CACNA2D3: variants seen among roughly 807,000 people sequenced by gnomAD.
The protein encoded by CACNA2D3 is calcium voltage-gated channel auxiliary subunit alpha2delta 3, also known as voltage-dependent calcium channel subunit alpha-2/delta-3.
CACNA2D3 carries 60 observed loss-of-function variants against 160.6 expected under a neutral mutation model. The observed-to-expected ratio is 0.37, with a 90% CI of 0.30 to 0.46. CACNA2D3 has a LOEUF of 0.46. CACNA2D3 is among the 20% of genes least tolerant of loss of function. The pLI, the probability that CACNA2D3 is intolerant of heterozygous loss-of-function variation, is 1.00. For synonymous variants in CACNA2D3, 558 were observed against 492.9 expected (o/e 1.13, Z -1.75); for missense variants, 1,205 against 1,365.0 (o/e 0.88, Z 1.85).
intron 13 of CACNA2D3, among the ~76,000 whole-genome samples, chr3:54,810,756 A>G (rs1339740558): frequency 6.6e-6 from 1 of 152,162 alleles, no homozygotes; most frequent in Non-Finnish European, 1.5e-5. Flanking sequence ...GGTCCACTCA[A>G]GTTTGGAACT....
intron 17 of CACNA2D3, among the ~76,000 whole-genome samples, chr3:54,866,947 A>G (rs938520646): frequency 1.3e-5 from 2 of 152,214 alleles, no homozygotes; most frequent in Non-Finnish European, 2.9e-5. Flanking sequence ...ATCTTTCCTT[A>G]TTAAACTCTC....
At chr3:54,874,294 A>G (rs1466237969) in intron 18 of CACNA2D3, among the ~76,000 whole-genome samples, 1 of 152,204 alleles carries the variant, frequency 6.6e-6, no homozygotes, top group Non-Finnish European at 1.5e-5. Context: ...CAGGAATACA[A>G]TAAGTAGGGC....
rs577803187 is a variant in CACNA2D3 at position 54,580,961 on chromosome 3, C to T, written c.889-842C>T. On this transcript the variant is annotated intron_variant, in intron 8 of 37. Transcript: ENST00000474759. Reference sequence around the variant, plus strand: ...AGGACAGCAGGGGAATAATGGCTGGCCAGGATAAGTTTTAGGGGAAGGCTG... The same window carrying T: ...AGGACAGCAGGGGAATAATGGCTGGTCAGGATAAGTTTTAGGGGAAGGCTG... Among the ~76,000 whole-genome samples the T allele has an allele frequency of 7.4e-3, 1,130 of 152,184 alleles. 4 individuals are homozygous for T. Among genetic ancestry groups the T allele is most frequent in the Non-Finnish European group, 0.012 (823 of 68,004 alleles).
chr3:54,354,087 T>A (rs750676650), intron 3 of CACNA2D3, among the ~76,000 whole-genome samples: 3 of 152,152 alleles, frequency 2.0e-5, no homozygotes, highest in East Asian at 3.9e-4. Context: ...ACATTCAAGG[T>A]CCTTTCAACT....
chr3:54,813,491 C>A (rs116900966), intron 13 of CACNA2D3, among the ~76,000 whole-genome samples: 1 of 152,118 alleles, frequency 6.6e-6, no homozygotes, highest in Admixed American at 6.5e-5. Context: ...ATCTATTCCT[C>A]TAGCAGATAT....
At chr3:55,007,429 AAATTAGTTATATGATTCCAGC>A (rs1703121808) in intron 32 of CACNA2D3, among the ~76,000 whole-genome samples, 1 of 152,202 alleles carries the variant, frequency 6.6e-6, no homozygotes, top group African/African-American at 2.4e-5. Context: ...TTACCATTTG[AAATTAGTTATATGATTCCAGC>A]CCCCTCAGCA....
At chr3:54,166,345 T>A (rs373274078) in intron 2 of CACNA2D3, among the ~76,000 whole-genome samples, 4 of 152,222 alleles carry the variant, frequency 2.6e-5, no homozygotes, top group East Asian at 3.8e-4. Flanking sequence ...CCTTGCTGAA[T>A]ACCATTAATC....
chr3:54,437,497 C>T (rs1700078517), intron 4 of CACNA2D3, among the ~76,000 whole-genome samples: 2 of 152,244 alleles, frequency 1.3e-5, no homozygotes, highest in Admixed American at 6.5e-5. Flanking sequence ...TTGCAGCTCC[C>T]ACTTAGGTGG....
At chr3:54,219,712 G>T (rs943534421) in intron 2 of CACNA2D3, among the ~76,000 whole-genome samples, 67 of 152,006 alleles carry the variant, frequency 4.4e-4, no homozygotes, top group African/African-American at 1.5e-3. Flanking sequence ...CAGTGTTAGA[G>T]GACCTTCCGG....
chr3:54,440,970 A>G (rs59598269), intron 4 of CACNA2D3, among the ~76,000 whole-genome samples: 32,916 of 152,060 alleles, frequency 0.22, 4,278 homozygotes, highest in African/African-American at 0.37. Flanking sequence ...TCTTTATAGC[A>G]GCATGATTTA....
intron 8 of CACNA2D3, among the ~76,000 whole-genome samples, chr3:54,574,873 G>A (rs1011753742): frequency 4.6e-5 from 7 of 152,218 alleles, no homozygotes; most frequent in African/African-American, 1.7e-4. Flanking sequence ...ATTAAGAAGA[G>A]CATCATTTGT....
chr3:54,729,923 C>T (rs1241629342), intron 11 of CACNA2D3, among the ~76,000 whole-genome samples: 1 of 147,982 alleles, frequency 6.8e-6, no homozygotes, highest in African/African-American at 2.5e-5. Flanking sequence ...GCCATGAACC[C>T]AGGAGGCGGA....
chr3:54,883,287 G>A (rs960272749), intron 21 of CACNA2D3, among the ~76,000 whole-genome samples: 3 of 152,174 alleles, frequency 2.0e-5, no homozygotes, highest in African/African-American at 7.2e-5. Context: ...CTCCGAAAGT[G>A]CTGGGGTTAC....
At chr3:54,489,010 A>G (rs1219200203) in intron 4 of CACNA2D3, among the ~76,000 whole-genome samples, 2 of 152,224 alleles carry the variant, frequency 1.3e-5, no homozygotes, top group Non-Finnish European at 2.9e-5. Context: ...CAGCATGGAC[A>G]GAGACCACAT....
intron 11 of CACNA2D3, among the ~76,000 whole-genome samples, chr3:54,673,961 C>CAGAAGAA (rs1700199608): frequency 3.3e-5 from 5 of 152,240 alleles, no homozygotes; most frequent in African/African-American, 1.2e-4. Context: ...AAACCGCCGG[C>CAGAAGAA]AGCTGTGTCT....
intron 2 of CACNA2D3, among the ~76,000 whole-genome samples, chr3:54,282,082 A>G (rs1239927820): frequency 6.6e-6 from 1 of 152,260 alleles, no homozygotes; most frequent in Non-Finnish European, 1.5e-5. Context: ...TCTTCATCAC[A>G]TAATTTGTAA....
At chr3:54,308,901 T>C (rs1418129002) in intron 2 of CACNA2D3, among the ~76,000 whole-genome samples, 1 of 152,220 alleles carries the variant, frequency 6.6e-6, no homozygotes, top group Non-Finnish European at 1.5e-5. Flanking sequence ...AAAAGTAGGC[T>C]GCAGAAAGCA....
intron 11 of CACNA2D3, among the ~76,000 whole-genome samples, chr3:54,707,721 G>A (rs1700883641): frequency 6.6e-6 from 1 of 152,102 alleles, no homozygotes; most frequent in Non-Finnish European, 1.5e-5. Context: ...GAATTTCCAT[G>A]GTCTGCTCAT....
intron 29 of CACNA2D3, among the ~76,000 whole-genome samples, chr3:54,970,536 TTCTCC>T (rs1273127797): frequency 6.6e-5 from 3 of 45,760 alleles, no homozygotes; most frequent in Non-Finnish European, 9.2e-5. Context: ...CTATCCTTTC[TTCTCC>T]TCTCCTCCCC....
Sources: gnomAD v4.1 joint callset for allele counts (sites outside exome capture counted in the v4.1 genomes callset) on GRCh38, gnomAD v4.1.1 for gene constraint, MANE v1.5 for transcripts, NCBI Gene and HGNC (gene_info 2026-07-23, HGNC 2026-07-21) for gene names.